DIP2C: variants seen among roughly 807,000 people sequenced by gnomAD.
DIP2C encodes disco-interacting protein 2 homolog C.
Under a neutral mutation model 192.4 loss-of-function variants are expected in DIP2C, and 33 were observed. The observed-to-expected ratio is 0.17, with a 90% CI of 0.13 to 0.23. The LOEUF is 0.23. Ranked by LOEUF, DIP2C falls within the 10% of genes least tolerant of loss-of-function variation. The pLI is 1.00. For missense variants in DIP2C, 1,537 were observed against 2,110.1 expected, an observed-to-expected ratio of 0.73 and a Z score of 5.32; for synonymous variants, 979 against 864.1, an observed-to-expected ratio of 1.13 and a Z score of -2.33.
At chr10:557,282 A>T (rs1564197236) in intron 1 of DIP2C, among the ~76,000 whole-genome samples, 2 of 152,206 alleles carry the variant, frequency 1.3e-5, no homozygotes, top group African/African-American at 2.4e-5. Flanking sequence ...GAACCTACAG[A>T]TAGCCACAGC....
intron 1 of DIP2C, among the ~76,000 whole-genome samples, chr10:672,963 C>A (rs993102405): frequency 6.6e-6 from 1 of 152,202 alleles, no homozygotes; most frequent in Non-Finnish European, 1.5e-5. Flanking sequence ...CATGTATCAA[C>A]CCCCTGGATC....
intron 1 of DIP2C, among the ~76,000 whole-genome samples, chr10:597,211 G>GA (rs1366696182): frequency 6.6e-6 from 1 of 152,210 alleles, no homozygotes; most frequent in Non-Finnish European, 1.5e-5. Flanking sequence ...CTGGGTCTCA[G>GA]CTCCTCAGAC....
chr10:327,207 C>T, intron 30 of DIP2C, 31 bp from the exon 31 acceptor site: 1 of 1,602,350 alleles, frequency 6.2e-7, no homozygotes, highest in Non-Finnish European at 8.5e-7. Flanking sequence ...ACCGAGTCAG[C>T]CCCCACGTGT....
intron 1 of DIP2C, among the ~76,000 whole-genome samples, chr10:589,372 C>A (rs1019788617): frequency 1.3e-5 from 2 of 152,148 alleles, no homozygotes; most frequent in Admixed American, 6.5e-5. Context: ...CCCTATGGAT[C>A]ATTGGTTATC....
rs200156658 is a variant in DIP2C, at chr10:281,166, T to C, written c.4418+34A>G. On this transcript the variant is annotated intron_variant, in intron 36 of 36. Coordinates refer to ENST00000280886, the MANE Select transcript of DIP2C (RefSeq NM_014974.3). ...CTCAATGCTTCACAAACTCTGCTCC[T>C]GATTTGGGTACAAGCTGCAAGCTCA... 744 of 1,608,926 alleles carry C rather than the reference T, an allele frequency of 4.6e-4. 1 individual carries two copies. Among genetic ancestry groups the C allele is most frequent in the Non-Finnish European group, 5.7e-4 (665 of 1,175,590 alleles).
rs1171353303 is a variant in DIP2C, at chr10:454,367, A to G, written c.269-13371T>C. ...TCTTAAAGTACTAAAAAGGGATAAA[A>G]TACTAAAAATACTAAAAAGGGATAA... On this transcript the variant is annotated intron_variant, in intron 3 of 36. Transcript: ENST00000280886. 2.0e-5 allele frequency among the ~76,000 whole-genome samples: 3 copies of G among 152,204 alleles called. No homozygotes were observed. In the South Asian group the frequency reaches 6.2e-4, roughly 32 times the overall value.
chr10:305,924 G>A (rs1369787480), intron 32 of DIP2C, among the ~76,000 whole-genome samples: 6 of 151,192 alleles, frequency 4.0e-5, no homozygotes, highest in South Asian at 4.3e-4. Flanking sequence ...TGGGATTACC[G>A]GTGTGAGCCC....
At chr10:491,773 T>C (rs1386576351) in intron 1 of DIP2C, among the ~76,000 whole-genome samples, 3 of 152,206 alleles carry the variant, frequency 2.0e-5, no homozygotes, top group Non-Finnish European at 4.4e-5. Context: ...CAAGCATTCA[T>C]TCAGTATCTA....
chr10:311,452 G>T, intron 31 of DIP2C: 1 of 1,149,878 alleles, frequency 8.7e-7, no homozygotes, highest in Non-Finnish European at 1.1e-6. Flanking sequence ...GCACTCAACT[G>T]CTAGTCTGTC....
intron 1 of DIP2C, among the ~76,000 whole-genome samples, chr10:511,202 G>A (rs773248988): frequency 6.2e-4 from 94 of 152,222 alleles, no homozygotes; most frequent in Non-Finnish European, 1.2e-3. Context: ...CAGGGGGCAG[G>A]AGAGAGCAGC....
chr10:602,092 G>A (rs1227307346), intron 1 of DIP2C, among the ~76,000 whole-genome samples: 3 of 151,730 alleles, frequency 2.0e-5, no homozygotes, highest in African/African-American at 4.8e-5. Context: ...GGTGGGGGCG[G>A]GGAATGTCTT....
chr10:357,588 G>A (rs1327123287), intron 23 of DIP2C, among the ~76,000 whole-genome samples: 1 of 152,196 alleles, frequency 6.6e-6, no homozygotes, highest in African/African-American at 2.4e-5. Flanking sequence ...ATGGTCTCTT[G>A]CAGGAGAGGA....
At chr10:431,589 A>G (rs907577157) in intron 4 of DIP2C, among the ~76,000 whole-genome samples, 3 of 152,160 alleles carry the variant, frequency 2.0e-5, no homozygotes, top group African/African-American at 7.2e-5. Context: ...TTTATTTCAA[A>G]TTCTACTTGT....
Position 323,397 on chromosome 10 carries a change from GCTCC to G in DIP2C, c.3924+3605_3924+3608del, listed in dbSNP as rs1564554173. Among the ~76,000 whole-genome samples, 3 of 134,086 alleles carry G rather than the reference GCTCC, an allele frequency of 2.2e-5. 1 individual carries two copies. The highest frequency in any genetic ancestry group is 8.7e-5 in the African/African-American group (3 of 34,572). 88.0% of individuals were successfully genotyped at this position (134,086 alleles called of 152,430 possible). ...TAGAACAGTCAGTCGGGGGTGCGGG[GCTCC>G]GGCGAGAGACCGGCGCTGTTAGAAC... On this transcript the variant is annotated intron_variant, in intron 31 of 36. Transcript: ENST00000280886.
chr10:317,770 C>G (rs1034107094), intron 31 of DIP2C, among the ~76,000 whole-genome samples: 10 of 152,220 alleles, frequency 6.6e-5, no homozygotes, highest in African/African-American at 2.2e-4. Flanking sequence ...CACTTAGCAC[C>G]TTGCAGATCC....
chr10:547,524 T>TA (rs1848347259), intron 1 of DIP2C, among the ~76,000 whole-genome samples: 1 of 152,008 alleles, frequency 6.6e-6, no homozygotes, highest in South Asian at 2.1e-4. Context: ...GACAGTGAGG[T>TA]ACCCAGCAGG....
chr10:285,000 G>A (rs1955022321), intron 34 of DIP2C, among the ~76,000 whole-genome samples: 1 of 152,162 alleles, frequency 6.6e-6, no homozygotes, highest in Non-Finnish European at 1.5e-5. Flanking sequence ...CACCCGTGAG[G>A]ACACCCTCCA....
chr10:676,088 G>A (rs1830865727), intron 1 of DIP2C, among the ~76,000 whole-genome samples: 1 of 152,184 alleles, frequency 6.6e-6, no homozygotes, highest in African/African-American at 2.4e-5. Flanking sequence ...TTTCTCCCAG[G>A]ATGCAAGGAT....
intron 26 of DIP2C, among the ~76,000 whole-genome samples, chr10:345,660 C>T (rs1589554017): frequency 1.6e-5 from 1 of 64,310 alleles, no homozygotes; most frequent in Non-Finnish European, 3.0e-5. Context: ...ACCCTACATA[C>T]ACCCAACCCA....
Sources: gnomAD v4.1 joint callset for allele counts (sites outside exome capture counted in the v4.1 genomes callset) on GRCh38, gnomAD v4.1.1 for gene constraint, MANE v1.5 for transcripts, NCBI Gene and HGNC (gene_info 2026-07-23, HGNC 2026-07-21) for gene names.